The following MYO3B variants were observed in gnomAD, a reference collection of about 807,000 sequenced individuals.
MYO3B encodes myosin IIIB.
MYO3B carries 156 observed loss-of-function variants against 174.6 expected under a neutral mutation model. The observed-to-expected ratio is 0.89, with a 90% CI of 0.78 to 1.02. The LOEUF is 1.02. Ranked by LOEUF, MYO3B falls within the 50% of genes least tolerant of loss-of-function variation. The pLI is 0.00. For synonymous variants in MYO3B, 563 were observed against 569.1 expected (o/e 0.99, Z 0.15); for missense variants, 1,632 against 1,639.4 (o/e 1.00, Z 0.08).
At chr2:170,455,792 A>T (rs1683873550) in intron 23 of MYO3B, among the ~76,000 whole-genome samples, 1 of 152,196 alleles carries the variant, frequency 6.6e-6, no homozygotes, top group Non-Finnish European at 1.5e-5. Flanking sequence ...TTCACAAGGA[A>T]CCAAACAGGA....
intron 32 of MYO3B, among the ~76,000 whole-genome samples, chr2:170,581,186 A>G (rs1693124233): frequency 6.6e-6 from 1 of 152,182 alleles, no homozygotes; most frequent in Non-Finnish European, 1.5e-5. Context: ...AACTCTTTGA[A>G]TTTCCAGATT....
chr2:170,484,751 A>G (rs1336896047), intron 25 of MYO3B, among the ~76,000 whole-genome samples: 2 of 152,150 alleles, frequency 1.3e-5, no homozygotes, highest in Non-Finnish European at 2.9e-5. Context: ...TAGGCAGCAG[A>G]TGGTGGCCAG....
At chr2:170,555,094 C>T (rs17212651) in intron 32 of MYO3B, among the ~76,000 whole-genome samples, 45 of 151,598 alleles carry the variant, frequency 3.0e-4, no homozygotes, top group Non-Finnish European at 5.6e-4. Flanking sequence ...AATTTGTTTG[C>T]GTTTTAAAAA....
intron 25 of MYO3B, among the ~76,000 whole-genome samples, chr2:170,477,431 T>C (rs1293325350): frequency 2.6e-5 from 4 of 152,126 alleles, no homozygotes; most frequent in Non-Finnish European, 5.9e-5. Flanking sequence ...TGTGAACTTT[T>C]ACAGGGATGG....
At chr2:170,229,250 C>T (rs2092988509) in intron 6 of MYO3B, among the ~76,000 whole-genome samples, 1 of 152,198 alleles carries the variant, frequency 6.6e-6, no homozygotes, top group African/African-American at 2.4e-5. Flanking sequence ...GCCTTCCTAC[C>T]TCTCAGCCCA....
chr2:170,503,303 A>G (rs1020505630), intron 28 of MYO3B, among the ~76,000 whole-genome samples: 1 of 152,236 alleles, frequency 6.6e-6, no homozygotes, highest in African/African-American at 2.4e-5. Flanking sequence ...TGCCAAGTGA[A>G]TACTGCTGTA....
At chr2:170,284,594 A>T (rs1240802554) in intron 7 of MYO3B, among the ~76,000 whole-genome samples, 1 of 152,184 alleles carries the variant, frequency 6.6e-6, no homozygotes, top group Non-Finnish European at 1.5e-5. Context: ...GAAAATATAA[A>T]AGAATGTATT....
intron 7 of MYO3B, among the ~76,000 whole-genome samples, chr2:170,325,648 G>A (rs114092013): frequency 8.1e-4 from 124 of 152,250 alleles, no homozygotes; most frequent in African/African-American, 2.9e-3. Context: ...GGAACTGGTC[G>A]TGCATGGTCC....
At chr2:170,563,137 C>T (rs1363680221) in intron 32 of MYO3B, among the ~76,000 whole-genome samples, 1 of 151,524 alleles carries the variant, frequency 6.6e-6, no homozygotes, top group Non-Finnish European at 1.5e-5. Flanking sequence ...CACACACACA[C>T]ACACACACAT....
At position 170,385,652 on chromosome 2, in the gene MYO3B, G is replaced by A. The variant is rs2094368594; in HGVS notation, c.1291-537G>A. The stretch of plus-strand genomic sequence containing the variant: ...AAGCCTCTTAAGCATATGGAAGGAG[G>A]CCTCATTCATAATTTTTAAAATGCA... On this transcript the variant is annotated intron_variant, in intron 12 of 34. Transcript: ENST00000408978. Among the ~76,000 whole-genome samples the A allele has an allele frequency of 5.3e-5, 8 of 152,064 alleles. No homozygotes were observed. The South Asian group carries it at 1.7e-3, about 32-fold the overall frequency.
chr2:170,405,716 T>C, intron 21 of MYO3B, 83 bp downstream of exon 21: 2 of 1,081,720 alleles, frequency 1.8e-6, no homozygotes, highest in Non-Finnish European at 2.7e-6. Flanking sequence ...GCTCATGAAA[T>C]TGCTTACAGA....
intron 1 of MYO3B, among the ~76,000 whole-genome samples, chr2:170,183,132 C>CT (rs929548784): frequency 6.6e-6 from 1 of 152,038 alleles, no homozygotes; most frequent in Non-Finnish European, 1.5e-5. Flanking sequence ...TGGCATGCAC[C>CT]TGTAATCCCA....
chr2:170,422,006 G>A (rs950847656), intron 22 of MYO3B, among the ~76,000 whole-genome samples: 9 of 152,166 alleles, frequency 5.9e-5, no homozygotes, highest in Non-Finnish European at 8.8e-5. Flanking sequence ...TGTAAGTCAG[G>A]AGATAAGCTA....
chr2:170,398,228 G>GAAAAAA (rs34432719), intron 16 of MYO3B, among the ~76,000 whole-genome samples: 3 of 87,950 alleles, frequency 3.4e-5, no homozygotes, highest in Non-Finnish European at 6.5e-5. Flanking sequence ...TGTCTCAAAA[G>GAAAAAA]AAAAAAAAAA....
At position 170,519,607 on chromosome 2, in the gene MYO3B, T is replaced by C. The variant is rs545589183; in HGVS notation, c.3575+67T>C. 1.5e-4 allele frequency: 181 copies of C among 1,237,554 alleles called. 1 individual carries two copies. The African/African-American group carries it at 2.4e-3, about 17-fold the overall frequency. The allele number at this position is 1,237,554 out of a possible 1,614,324, so 76.7% of individuals were successfully genotyped here. On this transcript the variant is annotated intron_variant, in intron 30 of 34. Coordinates refer to ENST00000408978, the MANE Select transcript of MYO3B (RefSeq NM_138995.5). ...TGCTCCATTCTAATGGATAATGAAA[T>C]GGTAATGGATAATGCAACAAGTATT...
intron 7 of MYO3B, among the ~76,000 whole-genome samples, chr2:170,255,584 G>A (rs972804790): frequency 9.9e-5 from 15 of 151,948 alleles, no homozygotes; most frequent in Admixed American, 3.9e-4. Flanking sequence ...CACCAGAAAC[G>A]AAGCCAATTG....
intron 8 of MYO3B, chr2:170,337,746 A>G (rs1296098624): frequency 1.3e-5 from 2 of 152,186 alleles, no homozygotes; most frequent in African/African-American, 4.8e-5. Flanking sequence ...ATTAATACAT[A>G]TTTTATGTGT....
chr2:170,513,610 C>T (rs1482463060), intron 28 of MYO3B, among the ~76,000 whole-genome samples: 1 of 152,204 alleles, frequency 6.6e-6, no homozygotes, highest in Non-Finnish European at 1.5e-5. Context: ...TCTGAATGGA[C>T]ATGAATTTTG....
intron 20 of MYO3B, among the ~76,000 whole-genome samples, chr2:170,404,715 G>A (rs1056814778): frequency 1.3e-5 from 2 of 151,748 alleles, no homozygotes; most frequent in Non-Finnish European, 1.5e-5. Context: ...CCTCCTTTGT[G>A]TGCCCCCATC....
Sources: allele counts gnomAD v4.1 joint callset (sites outside exome capture counted in the v4.1 genomes callset), GRCh38; gene constraint gnomAD v4.1.1; transcripts MANE v1.5; gene names NCBI Gene and HGNC (gene_info 2026-07-23, HGNC 2026-07-21).